Variants in PEX26 observed in about 807,000 individuals in gnomAD.
PEX26 encodes the protein peroxisomal biogenesis factor 26, also known as peroxisome assembly protein 26.
A neutral mutation model predicts 31.4 loss-of-function variants in PEX26; 18 were observed. The observed-to-expected ratio is 0.57, with a 90% confidence interval of 0.40 to 0.85. The LOEUF (loss-of-function observed/expected upper bound fraction) is 0.85. PEX26 is among the 40% of genes least tolerant of loss of function. The pLI is 0.00. For synonymous variants in PEX26, 176 were observed against 166.9 expected (o/e 1.05, Z -0.42); for missense variants, 377 against 383.9 (o/e 0.98, Z 0.15).
In PEX26 at chr22:18,101,576, G is replaced by A. The variant is rs1489194993; in HGVS notation, c.*13501G>A. The A allele has an allele frequency of 6.0e-6, 1 of 167,194 alleles. No homozygotes were observed. The highest frequency in any genetic ancestry group is 1.8e-4 in the South Asian group (1 of 5,468). The allele number at this position is 167,194 out of a possible 1,614,324, so 10.4% of individuals were successfully genotyped here. A position where few individuals can be genotyped will look rare whatever the true frequency, so the allele number is the denominator to read the frequency against. On this transcript the variant is annotated 3_prime_UTR_variant, in exon 5 of 5. Transcript: ENST00000399744. Reference sequence around the variant, plus strand: ...ACTCATACTTCAAGACACAGCCTAAGTATGACCACCTGTATGGACCCTTCC... The same window carrying A: ...ACTCATACTTCAAGACACAGCCTAAATATGACCACCTGTATGGACCCTTCC...
chr22:18,080,531 C>A (rs1004352475), intron 2 of PEX26, among the ~76,000 whole-genome samples: 1 of 152,102 alleles, frequency 6.6e-6, no homozygotes, highest in East Asian at 1.9e-4. Context: ...AGGGTTTTAC[C>A]GTGTTAGCCA....
chr22:18,101,663 T>C lies in PEX26; in HGVS notation c.*13588T>C, dbSNP rs139988607. Reference sequence around the variant, plus strand: ...TCCAAGGCTCAGAGTAGCTGTGCAATGACTTGTGTCAAAACCCGATCCAGA... The same window carrying C: ...TCCAAGGCTCAGAGTAGCTGTGCAACGACTTGTGTCAAAACCCGATCCAGA... On this transcript the variant is annotated 3_prime_UTR_variant, in exon 5 of 5. Coordinates refer to ENST00000399744, the MANE Select transcript of PEX26 (RefSeq NM_001127649.3). The C allele has an allele frequency of 2.9e-4, 72 of 249,692 alleles. No individual in the cohort carries two copies. Among genetic ancestry groups the C allele is most frequent in the African/African-American group, 1.5e-3 (65 of 43,324 alleles). 15.5% of individuals were successfully genotyped at this position (249,692 alleles called of 1,614,324 possible).
Position 18,078,068 on chromosome 22 carries a change from A to G in PEX26, c.-309A>G, listed in dbSNP as rs1032906008. ...GCGAGGTGAGTCTTTGATCGTAACC[A>G]GGAGCCCGGAGCTGAGGCAGTTCCT... On this transcript the variant is annotated 5_prime_UTR_variant, in exon 1 of 5. Transcript: ENST00000399744. The G allele has an allele frequency of 5.4e-6, 3 of 551,030 alleles. No homozygotes were observed. The highest frequency in any genetic ancestry group is 6.9e-6 in the Non-Finnish European group (2 of 289,562). 34.1% of individuals were successfully genotyped at this position (551,030 alleles called of 1,614,324 possible).
At chr22:18,085,371 G>T in intron 4 of PEX26, 113 bp downstream of exon 4, 1 of 1,104,784 alleles carries the variant, frequency 9.1e-7, no homozygotes, top group South Asian at 1.3e-5. Flanking sequence ...TCTCTCCTAT[G>T]ACATTTCCCC....
chr22:18,083,644 G>A lies in PEX26; in HGVS notation c.579G>A (p.Leu193=), dbSNP rs780765877. The change falls in exon 3 of 5, where the codon CTG becomes CTA. Residue 193 remains leucine, a synonymous_variant. Transcript: ENST00000399744. The part of the protein sequence containing the change: ...GSAAFGEERR[L]DVLQAIHTAR... ...CAGCCTTTGGTGAGGAGCGGCGACTGGATGTACTTCAGGCCATTCACACAG... is the reference window on the plus strand; with the variant it reads ...CAGCCTTTGGTGAGGAGCGGCGACTAGATGTACTTCAGGCCATTCACACAG... The A allele has an allele frequency of 3.1e-6, 5 of 1,614,128 alleles. No homozygotes were observed. Among genetic ancestry groups the A allele is most frequent in the Non-Finnish European group, 4.2e-6 (5 of 1,180,034 alleles).
chr22:18,084,267 C>T (rs139531000), intron 3 of PEX26, among the ~76,000 whole-genome samples: 2,363 of 128,012 alleles, frequency 0.018, 60 homozygotes, highest in African/African-American at 0.065. Context: ...TTGTTTGAGA[C>T]GGAGTCTCGC....
chr22:18,095,377 A>C lies in PEX26; in HGVS notation c.*7302A>C, dbSNP rs1054543845. ...ACACAGATAAGCCATGCTCTTGGTT[A>C]CCAGTGGACTTAGCTGGGTCTCAAA... On this transcript the variant is annotated 3_prime_UTR_variant, in exon 5 of 5. Coordinates refer to ENST00000399744, the MANE Select transcript of PEX26 (RefSeq NM_001127649.3). 3 of 152,200 alleles carry C rather than the reference A, an allele frequency of 2.0e-5. No individual in the cohort carries two copies. Among genetic ancestry groups the C allele is most frequent in the African/African-American group, 7.2e-5 (3 of 41,448 alleles). The allele number at this position is 152,200 out of a possible 1,614,324, so 9.4% of individuals were successfully genotyped here.
In PEX26 at chr22:18,087,641, C is replaced by A. The variant is rs34301327; in HGVS notation, c.815-331C>A. 7.9e-3 allele frequency among the ~76,000 whole-genome samples: 1,199 copies of A among 152,300 alleles called. 18 individuals are homozygous for A. The highest frequency in any genetic ancestry group is 0.027 in the African/African-American group (1,121 of 41,554). Reference sequence around the variant, plus strand: ...TGGGGATGGCATGAGGACATTTGAGCCTGCTCTTTCCAAGGCTGCTTCAGA... The same window carrying A: ...TGGGGATGGCATGAGGACATTTGAGACTGCTCTTTCCAAGGCTGCTTCAGA... On this transcript the variant is annotated intron_variant, in intron 4 of 4. Coordinates refer to ENST00000399744, the MANE Select transcript of PEX26 (RefSeq NM_001127649.3).
Position 18,094,105 on chromosome 22 carries a change from C to T in PEX26, c.*6030C>T, listed in dbSNP as rs1927216597. On this transcript the variant is annotated 3_prime_UTR_variant, in exon 5 of 5. Transcript: ENST00000399744. The stretch of plus-strand genomic sequence containing the variant: ...ACAGCCCCTTTAAAACTTTTAGCAT[C>T]CTCTTGTCACTTTTGTACTATCCAA... 6.6e-6 allele frequency: 1 copy of T among 152,260 alleles called. No individual in the cohort carries two copies. The highest frequency in any genetic ancestry group is 1.5e-5 in the Non-Finnish European group (1 of 68,052). 9.4% of individuals were successfully genotyped at this position (152,260 alleles called of 1,614,324 possible).
At chr22:18,087,009 C>T (rs191965674) in intron 4 of PEX26, among the ~76,000 whole-genome samples, 1 of 152,106 alleles carries the variant, frequency 6.6e-6, no homozygotes, top group Admixed American at 6.5e-5. Flanking sequence ...GCCTCCTAGG[C>T]TCAAGCGATC....
Position 18,083,656 on chromosome 22 carries a change from G to A in PEX26, c.591G>A (p.Gln197=). 2 of 1,614,136 alleles carry A rather than the reference G, an allele frequency of 1.2e-6. No homozygotes were observed. Among genetic ancestry groups the A allele is most frequent in the Admixed American group, 3.3e-5 (2 of 60,012 alleles). ...AGGAGCGGCGACTGGATGTACTTCA[G>A]GCCATTCACACAGCGAGGCAGCAGC... ...FGEERRLDVL[Q]AIHTARQQQK... is the part of the protein sequence containing the mutation. Residue 197 remains glutamine, a synonymous_variant, in exon 3 of 5, where the codon CAG becomes CAA. Coordinates refer to ENST00000399744, the MANE Select transcript of PEX26 (RefSeq NM_001127649.3).
rs386394937 is a variant in PEX26, at chr22:18,098,777, T to TAA, written c.*10703_*10704dup. 9 of 151,098 alleles carry TAA rather than the reference T, an allele frequency of 6.0e-5. No homozygotes were observed. The highest frequency in any genetic ancestry group is 2.2e-4 in the African/African-American group (9 of 41,178). The allele number at this position is 151,098 out of a possible 1,614,324, so 9.4% of individuals were successfully genotyped here. ...GTGTGCGTGTGTAGACATATATATATAATATATATACACATATGCAATGGA... is the reference window on the plus strand; with the variant it reads ...GTGTGCGTGTGTAGACATATATATATAAAATATATATACACATATGCAATGGA... On this transcript the variant is annotated 3_prime_UTR_variant, in exon 5 of 5. Coordinates refer to ENST00000399744, the MANE Select transcript of PEX26 (RefSeq NM_001127649.3).
rs554536407 is a variant in PEX26, at chr22:18,091,037, G to A, written c.*2962G>A. On this transcript the variant is annotated 3_prime_UTR_variant, in exon 5 of 5. Transcript: ENST00000399744. ...CAAAAGTTACAAAAAGGGTATTCTTGGAAAAGAAAGTTGTTTTTTTTTAGT... is the reference window on the plus strand; with the variant it reads ...CAAAAGTTACAAAAAGGGTATTCTTAGAAAAGAAAGTTGTTTTTTTTTAGT... 1 of 152,306 alleles carries A rather than the reference G, an allele frequency of 6.6e-6. No homozygotes were observed. Among genetic ancestry groups the A allele is most frequent in the South Asian group, 2.1e-4 (1 of 4,830 alleles). 9.4% of individuals were successfully genotyped at this position (152,306 alleles called of 1,614,324 possible).
In PEX26 at chr22:18,094,572, T is replaced by C. The variant is rs361594; in HGVS notation, c.*6497T>C. The C allele has an allele frequency of 0.33, 50,452 of 152,002 alleles. 8,758 individuals are homozygous for C. Among genetic ancestry groups the C allele is most frequent in the East Asian group, 0.59 (3,018 of 5,158 alleles). The allele number at this position is 152,002 out of a possible 1,614,324, so 9.4% of individuals were successfully genotyped here. A position where few individuals can be genotyped will look rare whatever the true frequency, so the allele number is the denominator to read the frequency against. On this transcript the variant is annotated 3_prime_UTR_variant, in exon 5 of 5. Coordinates refer to ENST00000399744, the MANE Select transcript of PEX26 (RefSeq NM_001127649.3). The stretch of plus-strand genomic sequence containing the variant: ...GAAGTTTCTTAGGTGGAAAACCGAT[T>C]TGTATGGTCCTCAGAATGTAACCTA...
rs1342106949 is a variant in PEX26, at chr22:18,090,067, G to C, written c.*1992G>C. On this transcript the variant is annotated 3_prime_UTR_variant, in exon 5 of 5. Transcript: ENST00000399744. ...CAGGCCCCTTAGAATTAAATCCTTA[G>C]GGCATGGTTCAAGTCTGTAGGAAGC... is the stretch of plus-strand genomic sequence containing the variant. 1 of 152,124 alleles carries C rather than the reference G, an allele frequency of 6.6e-6. No homozygotes were observed. The highest frequency in any genetic ancestry group is 1.5e-5 in the Non-Finnish European group (1 of 68,036). 9.4% of individuals were successfully genotyped at this position (152,124 alleles called of 1,614,324 possible).
rs186416025 is a variant in PEX26 at position 18,090,214 on chromosome 22, C to A, written c.*2139C>A. 48 of 152,292 alleles carry A rather than the reference C, an allele frequency of 3.2e-4. No individual in the cohort carries two copies. Among genetic ancestry groups the A allele is most frequent in the African/African-American group, 1.1e-3 (47 of 41,556 alleles). 9.4% of individuals were successfully genotyped at this position (152,292 alleles called of 1,614,324 possible). Reference sequence around the variant, plus strand: ...ATTTCTTAAAATGAAAATCTGGGCCCACTTAACTACCCTAGATAAAACGCT... The same window carrying A: ...ATTTCTTAAAATGAAAATCTGGGCCAACTTAACTACCCTAGATAAAACGCT... On this transcript the variant is annotated 3_prime_UTR_variant, in exon 5 of 5. Transcript: ENST00000399744.
chr22:18,086,191 G>A lies in PEX26; in HGVS notation c.814+933G>A, dbSNP rs539804852. On this transcript the variant is annotated intron_variant, in intron 4 of 4. Transcript: ENST00000399744. Reference sequence around the variant, plus strand: ...TGCGTGCCTGTAATCCCAGCAACTGGGGAGGGTGAGGCAGGGAGCATTGCT... The same window carrying A: ...TGCGTGCCTGTAATCCCAGCAACTGAGGAGGGTGAGGCAGGGAGCATTGCT... Among the ~76,000 whole-genome samples, 3 of 151,942 alleles carry A rather than the reference G, an allele frequency of 2.0e-5. No individual in the cohort carries two copies. The East Asian group carries it at 5.9e-4, about 30-fold the overall frequency.
At chr22:18,082,705 C>T (rs1451057001) in intron 2 of PEX26, among the ~76,000 whole-genome samples, 1 of 152,134 alleles carries the variant, frequency 6.6e-6, no homozygotes, top group Non-Finnish European at 1.5e-5. Flanking sequence ...TGGTTCCATA[C>T]GAATTTCAGG....
rs941116662 is a variant in PEX26, at chr22:18,100,498, C to T, written c.*12423C>T. 1.3e-5 allele frequency: 2 copies of T among 152,144 alleles called. No individual in the cohort carries two copies. The highest frequency in any genetic ancestry group is 2.9e-5 in the Non-Finnish European group (2 of 68,018). The allele number at this position is 152,144 out of a possible 1,614,324, so 9.4% of individuals were successfully genotyped here. A position where few individuals can be genotyped will look rare whatever the true frequency, so the allele number is the denominator to read the frequency against. On this transcript the variant is annotated 3_prime_UTR_variant, in exon 5 of 5. Transcript: ENST00000399744. The stretch of plus-strand genomic sequence containing the variant: ...TCATGGTCCGAAAGTATTTAGTCAG[C>T]AATGTACCATTATAGAAAAACACAT...
Sources: gnomAD v4.1 joint callset for allele counts (sites outside exome capture counted in the v4.1 genomes callset) on GRCh38, gnomAD v4.1.1 for gene constraint, MANE v1.5 for transcripts, NCBI Gene and HGNC (gene_info 2026-07-23, HGNC 2026-07-21) for gene names.